The following CAP2 variants were observed in gnomAD, a reference collection of about 807,000 sequenced individuals.
The protein encoded by CAP2 is adenylyl cyclase-associated protein 2.
Under a neutral mutation model 57.7 loss-of-function variants are expected in CAP2, and 24 were observed. That is an observed-to-expected ratio of 0.42 (90% CI 0.30 to 0.58). CAP2 has a LOEUF of 0.58. Ranked by LOEUF, CAP2 falls within the 20% of genes least tolerant of loss-of-function variation. The pLI is 0.22. For synonymous variants in CAP2, 194 were observed against 207.2 expected, an observed-to-expected ratio of 0.94 and a Z score of 0.55; for missense variants, 501 against 590.3, an observed-to-expected ratio of 0.85 and a Z score of 1.57.
Position 17,400,436 on chromosome 6 carries a change from A to T in CAP2, c.-2+6690A>T, listed in dbSNP as rs185607295. 1.4e-3 allele frequency among the ~76,000 whole-genome samples: 213 copies of T among 152,326 alleles called. 1 individual carries two copies. The highest frequency in any genetic ancestry group is 4.5e-3 in the African/African-American group (188 of 41,584). ...ATCCCTAGCATCTGGGGATGCAAAA[A>T]TGAAGATCAGTGAAGGAAGATAGAA... On this transcript the variant is annotated intron_variant, in intron 1 of 12. Transcript: ENST00000229922.
intron 7 of CAP2, among the ~76,000 whole-genome samples, chr6:17,538,785 C>G (rs1762831579): frequency 6.6e-6 from 1 of 152,188 alleles, no homozygotes; most frequent in Admixed American, 6.6e-5. Context: ...CTGTATCTCT[C>G]TCTTTCACTG....
At chr6:17,524,637 A>G (rs1010447433) in intron 7 of CAP2, among the ~76,000 whole-genome samples, 10 of 152,178 alleles carry the variant, frequency 6.6e-5, no homozygotes, top group African/African-American at 2.4e-4. Context: ...AGAAAGTTCT[A>G]GAAAAGAGGT....
chr6:17,494,095 C>T (rs918299214), intron 4 of CAP2, among the ~76,000 whole-genome samples: 6 of 152,164 alleles, frequency 3.9e-5, no homozygotes, highest in East Asian at 3.9e-4. Context: ...CATCTCTTGT[C>T]GGAATTATTG....
intron 2 of CAP2, among the ~76,000 whole-genome samples, chr6:17,424,443 A>G (rs1386105210): frequency 6.6e-6 from 1 of 152,208 alleles, no homozygotes; most frequent in African/African-American, 2.4e-5. Flanking sequence ...ATCCCTTACA[A>G]ATGCATAATA....
chr6:17,407,371 C>T (rs903858359), intron 1 of CAP2, among the ~76,000 whole-genome samples: 8 of 151,756 alleles, frequency 5.3e-5, no homozygotes, highest in East Asian at 1.9e-4. Context: ...CCCAGCACTT[C>T]GGGAGACCGA....
At chr6:17,486,338 G>C (rs913739532) in intron 4 of CAP2, among the ~76,000 whole-genome samples, 7 of 152,228 alleles carry the variant, frequency 4.6e-5, no homozygotes, top group African/African-American at 1.7e-4. Flanking sequence ...AGGTGTGGGG[G>C]CTCATGCCTG....
intron 4 of CAP2, among the ~76,000 whole-genome samples, chr6:17,476,903 G>T (rs1254134874): frequency 3.5e-5 from 4 of 114,878 alleles, no homozygotes; most frequent in African/African-American, 6.9e-5. Flanking sequence ...ATGGAATCTC[G>T]CTCTGCTGCC....
intron 1 of CAP2, among the ~76,000 whole-genome samples, chr6:17,414,767 C>A (rs938123432): frequency 2.0e-5 from 3 of 152,138 alleles, no homozygotes; most frequent in African/African-American, 7.2e-5. Flanking sequence ...TGGGTCTATA[C>A]CCAGTAATGG....
intron 2 of CAP2, among the ~76,000 whole-genome samples, chr6:17,422,845 AT>A (rs899899314): frequency 7.9e-5 from 12 of 152,158 alleles, no homozygotes; most frequent in Non-Finnish European, 1.2e-4. Flanking sequence ...TTACTTAATA[AT>A]TTTTTTAACA....
chr6:17,536,101 G>T (rs1443033909), intron 7 of CAP2: 1 of 427,086 alleles, frequency 2.3e-6, no homozygotes, highest in Non-Finnish European at 4.7e-6. Flanking sequence ...CTACATACAG[G>T]TGTGAGCCTC....
At chr6:17,497,468 A>G (rs1335378600) in intron 4 of CAP2, among the ~76,000 whole-genome samples, 1 of 152,238 alleles carries the variant, frequency 6.6e-6, no homozygotes, top group Non-Finnish European at 1.5e-5. Context: ...GTTCTGTTAT[A>G]CTTACTGTAG....
intron 3 of CAP2, among the ~76,000 whole-genome samples, chr6:17,442,322 C>T (rs1424917331): frequency 6.6e-6 from 1 of 152,176 alleles, no homozygotes; most frequent in African/African-American, 2.4e-5. Flanking sequence ...TGAATCTGCA[C>T]ATGATGATGT....
intron 1 of CAP2, among the ~76,000 whole-genome samples, chr6:17,420,452 G>A (rs758107308): frequency 3.5e-4 from 53 of 152,166 alleles, no homozygotes; most frequent in Non-Finnish European, 6.6e-4. Context: ...GCTCTTAGAG[G>A]TGATGGCCTC....
At chr6:17,479,118 C>T (rs545974952) in intron 4 of CAP2, among the ~76,000 whole-genome samples, 91 of 152,266 alleles carry the variant, frequency 6.0e-4, no homozygotes, top group African/African-American at 1.9e-3. Flanking sequence ...GCCCACTGTA[C>T]GTCTCCAGCT....
In CAP2 at chr6:17,542,961, G is replaced by A. The variant is rs1762942401; in HGVS notation, c.1126+1G>A. On this transcript the variant is annotated splice_donor_variant, in intron 10 of 12. Transcript: ENST00000229922. LOFTEE classifies it high-confidence loss of function. ...GGGAAAGTAAACTCCATTATAATTG[G>A]TAGGGCAGAATTATGGCTCTATGGT... 1.2e-6 allele frequency: 2 copies of A among 1,613,644 alleles called. No homozygotes were observed. The highest frequency in any genetic ancestry group is 1.7e-6 in the Non-Finnish European group (2 of 1,179,600).
chr6:17,556,221 C>T (rs1013479565), intron 12 of CAP2, 138 bp from the exon 13 acceptor site: 41 of 642,724 alleles, frequency 6.4e-5, no homozygotes, highest in South Asian at 5.7e-4. Flanking sequence ...CTCCCCATGA[C>T]GCAGCTTGCA....
intron 3 of CAP2, among the ~76,000 whole-genome samples, chr6:17,442,420 A>T (rs1308754670): frequency 6.6e-6 from 1 of 152,160 alleles, no homozygotes; most frequent in Non-Finnish European, 1.5e-5. Flanking sequence ...AACAGACAAC[A>T]TGTGCAGGGG....
intron 1 of CAP2, among the ~76,000 whole-genome samples, chr6:17,409,794 A>T (rs945278815): frequency 2.6e-5 from 4 of 152,210 alleles, no homozygotes; most frequent in South Asian, 4.2e-4. Context: ...GAAGCAAAAC[A>T]TCTAAGATAT....
chr6:17,539,414 C>T lies in CAP2; in HGVS notation c.782C>T (p.Ser261Leu), dbSNP rs1398546870. 6.2e-7 allele frequency: 1 copy of T among 1,614,172 alleles called. No individual in the cohort carries two copies. Among genetic ancestry groups the T allele is most frequent in the Non-Finnish European group, 8.5e-7 (1 of 1,180,018 alleles). Residue 261 changes from serine (S) to leucine (L), a missense_variant, in exon 8 of 13, where the codon TCA (serine) becomes TTA (leucine). By Grantham distance (145) the Ser-to-Leu change is moderately radical. Coordinates refer to ENST00000229922, the MANE Select transcript of CAP2 (RefSeq NM_006366.3). Reference sequence around the variant, plus strand: ...AAAGAGGAATCTTCTCCTTCACGCTCAGCTTTATTTGCCCAACTTAACCAG... The same window carrying T: ...AAAGAGGAATCTTCTCCTTCACGCTTAGCTTTATTTGCCCAACTTAACCAG... ...GKKEESSPSRSALFAQLNQGE... is the reference protein window; with the variant it reads ...GKKEESSPSRLALFAQLNQGE...
Sources: gnomAD v4.1 joint callset for allele counts (sites outside exome capture counted in the v4.1 genomes callset) on GRCh38, gnomAD v4.1.1 for gene constraint, MANE v1.5 for transcripts, NCBI Gene and HGNC (gene_info 2026-07-23, HGNC 2026-07-21) for gene names.